DUSP9: variants seen among roughly 807,000 people sequenced by gnomAD.
The protein encoded by DUSP9 is dual specificity phosphatase 9, also known as dual specificity protein phosphatase 9.
Under a neutral mutation model 13.2 loss-of-function variants are expected in DUSP9, and 4 were observed. That is an observed-to-expected ratio of 0.30 (90% CI 0.15 to 0.69). DUSP9 has a LOEUF of 0.69. DUSP9 is among the 30% of genes least tolerant of loss of function. DUSP9 has a pLI of 0.73. For missense variants in DUSP9, 263 were observed against 355.0 expected (o/e 0.74, Z 2.08); for synonymous variants, 166 against 172.3 (o/e 0.96, Z 0.29).
rs1486492958 is a variant in DUSP9, at chrX:153,648,119, A to G, written c.166A>G (p.Arg56Gly). The G allele has an allele frequency of 1.7e-5, 17 of 991,482 alleles. No individual in the cohort carries two copies. The Admixed American group carries it at 2.8e-4, about 16-fold the overall frequency. The allele number at this position is 991,482 out of a possible 1,213,427, so 81.7% of individuals were successfully genotyped here. A position where few individuals can be genotyped will look rare whatever the true frequency, so the allele number is the denominator to read the frequency against. The change falls in exon 2 of 4, where the codon AGG becomes GGG. Residue 56 changes from arginine to glycine, a missense_variant. Coordinates refer to ENST00000342782, the MANE Select transcript of DUSP9 (RefSeq NM_001318503.2). ...LPALLLRRLR[R>G]GSLSVRALLP... ...GGCGCTCCTGCTGCGCCGCCTGCGG[A>G]GGGGCAGCCTGTCGGTGCGCGCGCT...
intron 2 of DUSP9, among the ~76,000 whole-genome samples, chrX:153,648,952 G>C (rs1284678964): frequency 2.7e-5 from 3 of 111,866 alleles, no homozygotes; most frequent in Non-Finnish European, 5.7e-5. Context: ...AGTGCATCTC[G>C]GCTCTGTTGA....
chrX:153,643,481 G>A (rs782551320), upstream of DUSP9: 225 of 341,120 alleles, frequency 6.6e-4, 2 homozygotes, highest in South Asian at 5.2e-3. Flanking sequence ...CCAGCGACTA[G>A]CTTGGCCTCT....
In DUSP9 at chrX:153,647,980, G is replaced by A; in HGVS notation, c.27G>A (p.Leu9=). ...TGGAGGGTCTGGGCCGCTCGTGCCT[G>A]TGGCTGCGTCGGGAGCTGTCGCCCC... The part of the protein sequence containing the change: MEGLGRSC[L]WLRRELSPPR... The change falls in exon 2 of 4, where the codon CTG becomes CTA. Residue 9 remains leucine (L), a synonymous_variant. Transcript: ENST00000342782. 1 of 1,103,850 alleles carries A rather than the reference G, an allele frequency of 9.1e-7. No homozygotes were observed. Among genetic ancestry groups the A allele is most frequent in the Non-Finnish European group, 1.2e-6 (1 of 849,127 alleles). 91.0% of individuals were successfully genotyped at this position (1,103,850 alleles called of 1,213,427 possible).
In DUSP9 at chrX:153,650,354, G is replaced by A; in HGVS notation, c.*49G>A. On this transcript the variant is annotated 3_prime_UTR_variant, in exon 4 of 4. Coordinates refer to ENST00000342782, the MANE Select transcript of DUSP9 (RefSeq NM_001318503.2). ...CCCTGCCCCACCCCCACCCACGGGTGTCCCTGCCCACTCGTGTGGCAAGGG... is the reference window on the plus strand; with the variant it reads ...CCCTGCCCCACCCCCACCCACGGGTATCCCTGCCCACTCGTGTGGCAAGGG... The A allele has an allele frequency of 2.1e-6, 2 of 961,383 alleles. No homozygotes were observed. The highest frequency in any genetic ancestry group is 2.8e-6 in the Non-Finnish European group (2 of 710,649). 79.2% of individuals were successfully genotyped at this position (961,383 alleles called of 1,213,427 possible).
upstream of DUSP9, among the ~76,000 whole-genome samples, chrX:153,644,263 C>A (rs782141298): frequency 9.9e-5 from 6 of 60,850 alleles, no homozygotes; most frequent in African/African-American, 2.6e-4. Flanking sequence ...CCCGGCCCGG[C>A]GGAGGCCCGG....
In DUSP9 at chrX:153,647,931, A is replaced by C; in HGVS notation, c.-23A>C. On this transcript the variant is annotated 5_prime_UTR_variant, in exon 2 of 4. Coordinates refer to ENST00000342782, the MANE Select transcript of DUSP9 (RefSeq NM_001318503.2). ...TCTCTCTTCGCAGCGCCCGTGGTCC[A>C]GCGTGTAGGGAGCCGATCGCCCATG... is the stretch of plus-strand genomic sequence containing the variant. 3 of 1,026,838 alleles carry C rather than the reference A, an allele frequency of 2.9e-6. No individual in the cohort carries two copies. Among genetic ancestry groups the C allele is most frequent in the Non-Finnish European group, 3.7e-6 (3 of 807,638 alleles). 84.6% of individuals were successfully genotyped at this position (1,026,838 alleles called of 1,213,427 possible).
Position 153,649,226 on chromosome X carries a change from C to G in DUSP9, c.374-6C>G. ...GTCAGCAGGCCCCATGCCCTCTCCC[C>G]AACAGGAGGCTTCAGCAGATTCCAG... On this transcript the variant is annotated splice_polypyrimidine_tract_variant and splice_region_variant and intron_variant, in intron 2 of 3. Coordinates refer to ENST00000342782, the MANE Select transcript of DUSP9 (RefSeq NM_001318503.2). 8.3e-7 allele frequency: 1 copy of G among 1,209,755 alleles called. No homozygotes were observed. The highest frequency in any genetic ancestry group is 1.1e-6 in the Non-Finnish European group (1 of 894,950).
intron 2 of DUSP9, 127 bp downstream of exon 2, chrX:153,648,453 A>G (rs1205277343): frequency 2.4e-5 from 20 of 818,630 alleles, no homozygotes; most frequent in Non-Finnish European, 3.2e-5. Flanking sequence ...CTGCTTTGAG[A>G]GGAGGGAAGC....
intron 1 of DUSP9, 125 bp downstream of exon 1, chrX:153,647,550 G>A (rs1404173806): frequency 2.5e-5 from 3 of 119,433 alleles, no homozygotes; most frequent in African/African-American, 9.5e-5. Flanking sequence ...GGCCCACCTG[G>A]CCCTGGGGGA....
At position 153,648,063 on chromosome X, in the gene DUSP9, G is replaced by A. The variant is rs1557035762; in HGVS notation, c.110G>A (p.Arg37His). The change falls in exon 2 of 4, where the codon CGC becomes CAC. Residue 37 changes from arginine (R) to histidine (H), a missense_variant. Arg to His is a conservative substitution (Grantham distance 29, BLOSUM62 0). Transcript: ENST00000342782. ...AGCCGCGAGCTGTACGAGTCGGCGC[G>A]CATCGGTGGGGCGCTGAGCGTGGCC... ...CRSRELYESARIGGALSVALP... is the reference protein window; with the variant it reads ...CRSRELYESAHIGGALSVALP... 2 of 1,065,927 alleles carry A rather than the reference G, an allele frequency of 1.9e-6. No homozygotes were observed. Among genetic ancestry groups the A allele is most frequent in the Non-Finnish European group, 1.2e-6 (1 of 830,810 alleles). The allele number at this position is 1,065,927 out of a possible 1,213,427, so 87.8% of individuals were successfully genotyped here.
At chrX:153,649,772 C>T (rs1461670489) in intron 3 of DUSP9, 85 bp downstream of exon 3, 23 of 962,653 alleles carry the variant, frequency 2.4e-5, no homozygotes, top group Admixed American at 1.1e-4. Flanking sequence ...TCCCAAGCCC[C>T]GCTGCCATTC....
upstream of DUSP9, among the ~76,000 whole-genome samples, chrX:153,645,133 C>T (rs1603185377): frequency 8.9e-6 from 1 of 112,895 alleles, no homozygotes; most frequent in African/African-American, 3.2e-5. Context: ...GGACAGAAAA[C>T]AGAAGACAAA....
At position 153,650,770 on chromosome X, in the gene DUSP9, T is replaced by C. The variant is rs1484278787; in HGVS notation, c.*465T>C. On this transcript the variant is annotated 3_prime_UTR_variant, in exon 4 of 4. Coordinates refer to ENST00000342782, the MANE Select transcript of DUSP9 (RefSeq NM_001318503.2). Reference sequence around the variant, plus strand: ...CTCGGGGCTGGGGCCTCCCAGGGGATGGGGACCCAGAGTGCAGTGGCCGCC... The same window carrying C: ...CTCGGGGCTGGGGCCTCCCAGGGGACGGGGACCCAGAGTGCAGTGGCCGCC... 1 of 6,966 alleles carries C rather than the reference T, an allele frequency of 1.4e-4. No homozygotes were observed. The highest frequency in any genetic ancestry group is 4.0e-3 in the East Asian group (1 of 251). 0.6% of individuals were successfully genotyped at this position (6,966 alleles called of 1,213,427 possible). A position where few individuals can be genotyped will look rare whatever the true frequency, so the allele number is the denominator to read the frequency against.
chrX:153,645,535 C>T (rs1207813657), upstream of DUSP9, among the ~76,000 whole-genome samples: 2 of 113,241 alleles, frequency 1.8e-5, no homozygotes, highest in African/African-American at 6.4e-5. Flanking sequence ...CCTAGCTTTC[C>T]GTCACCTGCC....
Position 153,649,963 on chromosome X carries a change from T to C in DUSP9, c.830-17T>C, listed in dbSNP as rs1185331304. ...CCTGCCCTCCGGGTCTCCCGGGCCC[T>C]TTCCTGCCCCATCTAGATGAGGCCT... On this transcript the variant is annotated splice_polypyrimidine_tract_variant and intron_variant, in intron 3 of 3. Transcript: ENST00000342782. 9 of 1,198,268 alleles carry C rather than the reference T, an allele frequency of 7.5e-6. No individual in the cohort carries two copies. Among genetic ancestry groups the C allele is most frequent in the Non-Finnish European group, 1.0e-5 (9 of 889,375 alleles).
In DUSP9 at chrX:153,650,205, A is replaced by G. The variant is rs781905428; in HGVS notation, c.1055A>G (p.Gln352Arg). ...TTGCGGCTGGAGGAGCGCCACTCGCAGGAGCAGGGCAGTGGGGGGCAGGCA... is the reference window on the plus strand; with the variant it reads ...TTGCGGCTGGAGGAGCGCCACTCGCGGGAGCAGGGCAGTGGGGGGCAGGCA... ...RSLRLEERHS[Q>R]EQGSGGQASA... is the part of the protein sequence containing the mutation. Residue 352 changes from glutamine (Q) to arginine (R), a missense_variant, in exon 4 of 4, where the codon CAG becomes CGG. Gln to Arg is a conservative substitution (Grantham distance 43). Transcript: ENST00000342782. 1 of 1,211,964 alleles carries G rather than the reference A, an allele frequency of 8.3e-7. No homozygotes were observed. Among genetic ancestry groups the G allele is most frequent in the South Asian group, 1.8e-5 (1 of 57,061 alleles).
At chrX:153,648,348 T>C in intron 2 of DUSP9, 22 bp downstream of exon 2, 1 of 1,092,035 alleles carries the variant, frequency 9.2e-7, no homozygotes, top group Non-Finnish European at 1.2e-6. Flanking sequence ...GGGGCCCTCC[T>C]TCCAGGGGGT....
At chrX:153,645,661 G>A (rs181134569), upstream of DUSP9, among the ~76,000 whole-genome samples, 72 of 113,155 alleles carry the variant, frequency 6.4e-4, no homozygotes, top group African/African-American at 2.2e-3. Context: ...ATGCTTTGTG[G>A]TGCCCATCCT....
chrX:153,646,036 CATTT>C (rs1172968113), upstream of DUSP9, among the ~76,000 whole-genome samples: 1 of 112,925 alleles, frequency 8.9e-6, no homozygotes, highest in Non-Finnish European at 1.9e-5. Context: ...GTTCTTTGCC[CATTT>C]ATCTACAGGG....
Sources: gnomAD v4.1 joint callset for allele counts (sites outside exome capture counted in the v4.1 genomes callset) on GRCh38, gnomAD v4.1.1 for gene constraint, MANE v1.5 for transcripts, NCBI Gene and HGNC (gene_info 2026-07-23, HGNC 2026-07-21) for gene names.